LARP4B: variants seen among roughly 807,000 people sequenced by gnomAD.
LARP4B encodes La ribonucleoprotein 4B, also known as la-related protein 4B.
A neutral mutation model predicts 89.8 loss-of-function variants in LARP4B; 12 were observed. The observed-to-expected ratio is 0.13, with a 90% CI of 0.09 to 0.22. The LOEUF (loss-of-function observed/expected upper bound fraction) is 0.22. LARP4B is among the 10% of genes least tolerant of loss of function. LARP4B has a pLI of 1.00. For synonymous variants in LARP4B, 367 were observed against 363.3 expected (o/e 1.01, Z -0.12); for missense variants, 757 against 947.7 (o/e 0.80, Z 2.64).
At chr10:969,004 C>G in the LARP4B span, among the ~76,000 whole-genome samples, 1 of 152,242 alleles carries the variant, frequency 6.6e-6, no homozygotes, top group Non-Finnish European at 1.5e-5. Flanking sequence ...TAGAACACAT[C>G]TTCCGTGTGC....
chr10:817,642 A>C, intron 15 of LARP4B, 83 bp downstream of exon 15: 1 of 1,326,810 alleles, frequency 7.5e-7, no homozygotes, highest in Non-Finnish European at 1.1e-6. Flanking sequence ...ACAAACATGT[A>C]TAAAGAGCTC....
intron 3 of LARP4B, among the ~76,000 whole-genome samples, chr10:882,165 T>A (rs1486473851): frequency 6.6e-6 from 1 of 152,118 alleles, no homozygotes; most frequent in Admixed American, 6.6e-5. Flanking sequence ...ATGGTGATGA[T>A]TACACAACTC....
At chr10:943,632 T>C in the LARP4B span, among the ~76,000 whole-genome samples, 1 of 152,176 alleles carries the variant, frequency 6.6e-6, no homozygotes, top group East Asian at 1.9e-4. Flanking sequence ...ATGATTTCTG[T>C]TGAATTCTTT....
At chr10:924,327 G>C (rs747826490) in intron 1 of LARP4B, 2 of 152,172 alleles carry the variant, frequency 1.3e-5, no homozygotes, top group African/African-American at 4.8e-5. Context: ...TTAGACTGGG[G>C]CTTGGCCTTT....
At chr10:963,853 G>A in the LARP4B span, among the ~76,000 whole-genome samples, 6 of 152,288 alleles carry the variant, frequency 3.9e-5, no homozygotes, top group South Asian at 6.2e-4. Flanking sequence ...TAAGCCCTTC[G>A]TGAGGGTGGA....
At chr10:976,243 G>A in the LARP4B span, among the ~76,000 whole-genome samples, 3 of 144,536 alleles carry the variant, frequency 2.1e-5, no homozygotes, top group Admixed American at 6.9e-5. Flanking sequence ...GCAACGTGTG[G>A]ACCCGGCCTA....
chr10:914,506 A>C (rs1234499171), intron 1 of LARP4B, among the ~76,000 whole-genome samples: 1 of 149,040 alleles, frequency 6.7e-6, no homozygotes, highest in Non-Finnish European at 1.5e-5. Context: ...CAAAAAAAAA[A>C]AAAAGTCGAG....
At chr10:845,283 T>C (rs951141943) in intron 5 of LARP4B, among the ~76,000 whole-genome samples, 2 of 152,178 alleles carry the variant, frequency 1.3e-5, no homozygotes, top group African/African-American at 4.8e-5. Flanking sequence ...ATAATCTAAG[T>C]CTCATTAGCA....
intron 17 of LARP4B, 89 bp from the exon 18 acceptor site, chr10:813,302 T>C: frequency 7.6e-7 from 1 of 1,316,330 alleles, no homozygotes; most frequent in Non-Finnish European, 1.0e-6. Flanking sequence ...TAAAAGAGTT[T>C]TCAACTGTAA....
Position 864,135 on chromosome 10 carries a change from G to C in LARP4B, c.277C>G (p.Arg93Gly), listed in dbSNP as rs757969026. 1 of 1,614,086 alleles carries C rather than the reference G, an allele frequency of 6.2e-7. No homozygotes were observed. Among genetic ancestry groups the C allele is most frequent in the African/African-American group, 1.3e-5 (1 of 74,936 alleles). ...WEEVAGHHAD[R>G]GPQGSDANGD... ...ATGCTCAACTTACCCTGCGGGCCAC[G>C]GTCTGCGTGGTGGCCAGCCACCTCC... The change falls in exon 4 of 18, where the codon CGT (arginine) becomes GGT (glycine). Residue 93 changes from arginine (R) to glycine (G), a missense_variant. Arg to Gly is a moderately radical substitution (Grantham distance 125). Transcript: ENST00000316157.
chr10:869,699 C>T (rs756325045), intron 3 of LARP4B, among the ~76,000 whole-genome samples: 2 of 151,832 alleles, frequency 1.3e-5, no homozygotes, highest in African/African-American at 4.8e-5. Flanking sequence ...CCGGCCTGGC[C>T]AACATGGCGA....
intron 1 of LARP4B, among the ~76,000 whole-genome samples, chr10:922,787 C>T (rs1837019098): frequency 2.6e-5 from 4 of 152,142 alleles, no homozygotes; most frequent in Non-Finnish European, 5.9e-5. Flanking sequence ...AATCATGCTA[C>T]GCAGGCCGGG....
chr10:984,692 T>C, the LARP4B span, among the ~76,000 whole-genome samples: 1 of 152,156 alleles, frequency 6.6e-6, no homozygotes, highest in South Asian at 2.1e-4. Flanking sequence ...CAATCCATCA[T>C]GTACCTCCAT....
chr10:817,948 C>G, intron 14 of LARP4B, 59 bp from the exon 15 acceptor site: 2 of 1,502,600 alleles, frequency 1.3e-6, no homozygotes, highest in Non-Finnish European at 1.8e-6. Flanking sequence ...AGCAGCTTCT[C>G]GTTTCCACAC....
intron 1 of LARP4B, among the ~76,000 whole-genome samples, chr10:906,190 G>C (rs1431488297): frequency 6.6e-6 from 1 of 152,162 alleles, no homozygotes; most frequent in Non-Finnish European, 1.5e-5. Flanking sequence ...GCAGCTGAGA[G>C]ACAGGAAAAC....
chr10:949,289 T>C, the LARP4B span, among the ~76,000 whole-genome samples: 1 of 149,768 alleles, frequency 6.7e-6, no homozygotes, highest in Non-Finnish European at 1.5e-5. Context: ...TCCAGGCAGC[T>C]GTACCATCTT....
rs553109774 is a variant in LARP4B at position 879,775 on chromosome 10, T to G, written c.141+4672A>C. 3.9e-5 allele frequency among the ~76,000 whole-genome samples: 6 copies of G among 151,964 alleles called. 1 individual carries two copies. In the South Asian group the frequency reaches 1.0e-3, roughly 26 times the overall value. On this transcript the variant is annotated intron_variant, in intron 3 of 17. Coordinates refer to ENST00000316157, the MANE Select transcript of LARP4B (RefSeq NM_015155.3). ...GAGCCACTACATCCGGCCAAGTCTTTTCTTTTCTTTTTTTTGAGACAGAGT... is the reference window on the plus strand; with the variant it reads ...GAGCCACTACATCCGGCCAAGTCTTGTCTTTTCTTTTTTTTGAGACAGAGT...
chr10:915,023 C>G (rs1836781711), intron 1 of LARP4B, among the ~76,000 whole-genome samples: 1 of 152,112 alleles, frequency 6.6e-6, no homozygotes, highest in Non-Finnish European at 1.5e-5. Flanking sequence ...AGAGTCTGGG[C>G]CCCTGTGTCA....
intron 5 of LARP4B, among the ~76,000 whole-genome samples, chr10:847,511 A>C (rs927734158): frequency 6.6e-6 from 1 of 151,420 alleles, no homozygotes; most frequent in East Asian, 2.0e-4. Flanking sequence ...CCTATGTGAC[A>C]TGAAACTTTT....
Sources: gnomAD v4.1 joint callset for allele counts (sites outside exome capture counted in the v4.1 genomes callset) on GRCh38, gnomAD v4.1.1 for gene constraint, MANE v1.5 for transcripts, NCBI Gene and HGNC (gene_info 2026-07-23, HGNC 2026-07-21) for gene names.